The following THRB variants were observed in gnomAD, a reference collection of about 807,000 sequenced individuals.
THRB encodes thyroid hormone receptor beta.
Under a neutral mutation model 47.8 loss-of-function variants are expected in THRB, and 12 were observed. That is an observed-to-expected ratio of 0.25 (90% CI 0.16 to 0.41). The LOEUF (loss-of-function observed/expected upper bound fraction) is 0.41. THRB is among the 10% of genes least tolerant of loss of function. The pLI, the probability that THRB is intolerant of heterozygous loss-of-function variation, is 1.00. For missense variants in THRB, 348 were observed against 589.2 expected (o/e 0.59, Z 4.24); for synonymous variants, 218 against 212.2 (o/e 1.03, Z -0.24).
chr3:24,174,085 T>C (rs1253797020), intron 5 of THRB, among the ~76,000 whole-genome samples: 3 of 152,194 alleles, frequency 2.0e-5, no homozygotes, highest in South Asian at 4.1e-4. Context: ...GTTTGTTACA[T>C]AGGTATACGT....
intron 3 of THRB, among the ~76,000 whole-genome samples, chr3:24,260,257 C>G (rs1047368239): frequency 1.3e-5 from 2 of 152,154 alleles, no homozygotes; most frequent in African/African-American, 4.8e-5. Flanking sequence ...CACTTTATCT[C>G]TAGCTGACCA....
intron 5 of THRB, among the ~76,000 whole-genome samples, chr3:24,162,227 C>T (rs1407784601): frequency 6.6e-6 from 1 of 151,146 alleles, no homozygotes; most frequent in African/African-American, 2.4e-5. Flanking sequence ...TTTTACTTTG[C>T]TGCAACCTCA....
chr3:24,209,738 T>C (rs2045815825), intron 4 of THRB, among the ~76,000 whole-genome samples: 1 of 152,104 alleles, frequency 6.6e-6, no homozygotes, highest in African/African-American at 2.4e-5. Flanking sequence ...GACGTGTTAA[T>C]GGGTGCAGCA....
At chr3:24,443,408 T>C (rs954622485) in intron 1 of THRB, among the ~76,000 whole-genome samples, 5 of 152,126 alleles carry the variant, frequency 3.3e-5, no homozygotes, top group African/African-American at 1.2e-4. Flanking sequence ...AAATTGCCCA[T>C]GAAAATATAA....
Position 24,158,370 on chromosome 3 carries a change from T to G in THRB, c.284-5880A>C, listed in dbSNP as rs572689475. ...ATAAAGAAATATTTCACATAATTCT[T>G]TATCTTTATCAAGAGTGGAAAAACA... On this transcript the variant is annotated intron_variant, in intron 5 of 10. Transcript: ENST00000646209. Among the ~76,000 whole-genome samples, 4 of 151,610 alleles carry G rather than the reference T, an allele frequency of 2.6e-5. No individual in the cohort carries two copies. The East Asian group carries it at 7.8e-4, about 29-fold the overall frequency.
intron 1 of THRB, among the ~76,000 whole-genome samples, chr3:24,344,424 G>A (rs1246988987): frequency 6.6e-6 from 1 of 152,006 alleles, no homozygotes; most frequent in Non-Finnish European, 1.5e-5. Context: ...TTTTCTACTT[G>A]TAGTTGATCA....
Position 24,487,730 on chromosome 3 carries a change from G to T in THRB, c.-261+6922C>A, listed in dbSNP as rs192248848. On this transcript the variant is annotated intron_variant, in intron 1 of 10. Transcript: ENST00000646209. ...ACAAGCAGTGCCTTTTCCACTGTATGTGAGAACATGACACACACTTGTCAC... is the reference window on the plus strand; with the variant it reads ...ACAAGCAGTGCCTTTTCCACTGTATTTGAGAACATGACACACACTTGTCAC... Among the ~76,000 whole-genome samples, 341 of 152,278 alleles carry T rather than the reference G, an allele frequency of 2.2e-3. 4 individuals are homozygous for T. The highest frequency in any genetic ancestry group is 5.6e-4 in the Non-Finnish European group (38 of 68,020).
chr3:24,360,548 C>G (rs1335542192), intron 1 of THRB, among the ~76,000 whole-genome samples: 2 of 152,174 alleles, frequency 1.3e-5, no homozygotes, highest in Non-Finnish European at 2.9e-5. Context: ...TTTACCGATA[C>G]ATAATTGTTC....
At chr3:24,473,755 GCCATAAAAAAGGATGAGTTCATGT>G (rs1347835373) in intron 1 of THRB, among the ~76,000 whole-genome samples, 7 of 151,736 alleles carry the variant, frequency 4.6e-5, no homozygotes, top group African/African-American at 1.7e-4. Flanking sequence ...ATACTATGGA[GCCATAAAAAAGGATGAGTTCATGT>G]CCTTTGCAGG....
At chr3:24,378,653 G>A (rs1005956504) in intron 1 of THRB, among the ~76,000 whole-genome samples, 2 of 152,130 alleles carry the variant, frequency 1.3e-5, no homozygotes, top group African/African-American at 4.8e-5. Flanking sequence ...AGTTGAGAAA[G>A]GCTTCAGGGA....
chr3:24,294,971 T>A (rs1322757569), intron 3 of THRB, among the ~76,000 whole-genome samples: 1 of 152,198 alleles, frequency 6.6e-6, no homozygotes, highest in African/African-American at 2.4e-5. Flanking sequence ...ATGTAAGAAA[T>A]CACCTGTGAA....
intron 1 of THRB, among the ~76,000 whole-genome samples, chr3:24,365,131 G>A (rs1179799233): frequency 2.0e-5 from 3 of 152,098 alleles, no homozygotes; most frequent in Non-Finnish European, 4.4e-5. Flanking sequence ...CCTGCCACAT[G>A]TATTATTAGC....
intron 2 of THRB, among the ~76,000 whole-genome samples, chr3:24,316,747 G>A (rs1290250239): frequency 6.6e-6 from 1 of 151,962 alleles, no homozygotes; most frequent in Non-Finnish European, 1.5e-5. Context: ...CCCGCTCCCA[G>A]CCCCAAGTAC....
intron 4 of THRB, among the ~76,000 whole-genome samples, chr3:24,217,291 G>T (rs2046664713): frequency 6.6e-6 from 1 of 152,000 alleles, no homozygotes; most frequent in African/African-American, 2.4e-5. Context: ...AATAATATGA[G>T]GCAGTCTGTG....
intron 2 of THRB, among the ~76,000 whole-genome samples, chr3:24,300,722 T>C (rs1239924222): frequency 6.6e-6 from 1 of 152,244 alleles, no homozygotes; most frequent in Non-Finnish European, 1.5e-5. Context: ...TATTTGCTAA[T>C]TATTTTTTAA....
At chr3:24,347,671 C>T (rs2149509478) in intron 1 of THRB, among the ~76,000 whole-genome samples, 1 of 150,788 alleles carries the variant, frequency 6.6e-6, no homozygotes, top group African/African-American at 2.4e-5. Context: ...ATAAATCCTA[C>T]AGACAATAAA....
At chr3:24,135,446 T>C (rs1488925771) in intron 8 of THRB, among the ~76,000 whole-genome samples, 1 of 152,084 alleles carries the variant, frequency 6.6e-6, no homozygotes, top group Non-Finnish European at 1.5e-5. Flanking sequence ...TGGCAGTGAG[T>C]GGATGAAACC....
intron 4 of THRB, among the ~76,000 whole-genome samples, chr3:24,227,919 T>A (rs1425884525): frequency 1.3e-5 from 2 of 152,144 alleles, no homozygotes; most frequent in Admixed American, 6.5e-5. Context: ...TCACAGCTCA[T>A]GGGTTGATTC....
chr3:24,251,369 G>C (rs1332008181), intron 3 of THRB, among the ~76,000 whole-genome samples: 2 of 152,000 alleles, frequency 1.3e-5, no homozygotes, highest in Non-Finnish European at 2.9e-5. Context: ...ATTTTAACAG[G>C]TCTCATGTGT....
Sources: gnomAD v4.1 joint callset for allele counts (sites outside exome capture counted in the v4.1 genomes callset) on GRCh38, gnomAD v4.1.1 for gene constraint, MANE v1.5 for transcripts, NCBI Gene and HGNC (gene_info 2026-07-23, HGNC 2026-07-21) for gene names.